HEATR6: variants seen among roughly 807,000 people sequenced by gnomAD.
HEATR6 encodes HEAT repeat containing 6.
A neutral mutation model predicts 132.8 loss-of-function variants in HEATR6; 106 were observed. The ratio of observed to expected loss-of-function variants is 0.80; its 90% CI spans 0.68 to 0.94. HEATR6 has a LOEUF of 0.94. Among genes scored for constraint, HEATR6 ranks in the 40% least tolerant of loss-of-function variants. The pLI, the probability that HEATR6 is intolerant of heterozygous loss-of-function variation, is 0.00. For missense variants in HEATR6, 1,339 were observed against 1,425.1 expected (o/e 0.94, Z 0.97); for synonymous variants, 529 against 537.8 (o/e 0.98, Z 0.23).
Position 60,044,053 on chromosome 17 carries a change from C to G in HEATR6, c.3056G>C (p.Arg1019Thr). The G allele has an allele frequency of 3.1e-6, 5 of 1,614,198 alleles. No homozygotes were observed. Among genetic ancestry groups the G allele is most frequent in the Non-Finnish European group, 3.4e-6 (4 of 1,180,046 alleles). The change falls in exon 20 of 20, where the codon AGA (arginine) becomes ACA (threonine). Residue 1019 changes from arginine to threonine, a missense_variant. Transcript: ENST00000184956. The stretch of plus-strand genomic sequence containing the variant: ...CGGGACGGAAAGGGCAGCTGCAGAT[C>G]TGATGCGCACTTTGAAGTTCTTGCA... The part of the protein sequence containing the change: ...TSCKNFKVRI[R>T]SAAALSVPGK...
At position 60,059,994 on chromosome 17, in the gene HEATR6, G is replaced by GTT. The variant is rs1568625016; in HGVS notation, c.1518_1519insAA (p.Pro507AsnfsTer5). On this transcript the variant is annotated frameshift_variant, in exon 10 of 20. Coordinates refer to ENST00000184956, the MANE Select transcript of HEATR6 (RefSeq NM_022070.5). ...CTGCAAGCGATCATTACGGAGAAGGGGGTAAAAGCCCTTCTGTGGTCACTG... is the reference window on the plus strand; with the variant it reads ...CTGCAAGCGATCATTACGGAGAAGGGTTGGTAAAAGCCCTTCTGTGGTCACTG... 1 of 1,613,834 alleles carries GTT rather than the reference G, an allele frequency of 6.2e-7. No individual in the cohort carries two copies.
Position 60,050,866 on chromosome 17 carries a change from G to A in HEATR6, c.2401C>T (p.Pro801Ser). The change falls in exon 15 of 20, where the codon CCA (proline) becomes TCA (serine). Residue 801 changes from proline to serine, a missense_variant. Physicochemically the swap from Pro to Ser is moderately conservative, Grantham distance 74. Transcript: ENST00000184956. The part of the protein sequence containing the change: ...SACDALSSIL[P>S]EAFSNLPNDR... ...ACCGGCAGATTGCTGAAGGCCTCTG[G>A]CAAGATGGAAGACAGGGCATCACAG... The A allele has an allele frequency of 3.1e-6, 5 of 1,614,236 alleles. No individual in the cohort carries two copies. The highest frequency in any genetic ancestry group is 4.2e-6 in the Non-Finnish European group (5 of 1,180,036).
chr17:60,057,479 T>C (rs1375556852), intron 11 of HEATR6, 76 bp from the exon 12 acceptor site: 3 of 1,006,026 alleles, frequency 3.0e-6, no homozygotes, highest in Non-Finnish European at 4.4e-6. Flanking sequence ...CAGCAGGCAA[T>C]TAAAAATTAG....
At position 60,047,393 on chromosome 17, in the gene HEATR6, G is replaced by T; in HGVS notation, c.2685C>A (p.Asp895Glu). The T allele has an allele frequency of 6.2e-7, 1 of 1,612,268 alleles. No individual in the cohort carries two copies. Among genetic ancestry groups the T allele is most frequent in the Non-Finnish European group, 8.5e-7 (1 of 1,178,848 alleles). ...CAGAGAACTCTTCCTGGAAACTTGG[G>T]TCTGGTGTTTCCCTGTTCCACCCAA... ...DTLIVNMETP[D>E]PSFQEEFSGL... Residue 895 changes from aspartate (D) to glutamate (E), a missense_variant, in exon 18 of 20, where the codon GAC becomes GAA. By Grantham distance (45) the Asp-to-Glu change is conservative. Coordinates refer to ENST00000184956, the MANE Select transcript of HEATR6 (RefSeq NM_022070.5).
Position 60,073,251 on chromosome 17 carries a change from C to G in HEATR6, c.497G>C (p.Gly166Ala), listed in dbSNP as rs775346168. The change falls in exon 4 of 20, where the codon GGA (glycine) becomes GCA (alanine). Residue 166 changes from glycine (G) to alanine (A), a missense_variant. Transcript: ENST00000184956. Reference sequence around the variant, plus strand: ...CAAGTCACTCAACTTCATTAAGAGTCCGGTGTTGCCTAGCAGCTCTGGGAG... The same window carrying G: ...CAAGTCACTCAACTTCATTAAGAGTGCGGTGTTGCCTAGCAGCTCTGGGAG... ...KYLPELLGNT[G>A]LLMKLSDLAQ... 29 of 1,612,864 alleles carry G rather than the reference C, an allele frequency of 1.8e-5. No individual in the cohort carries two copies. The highest frequency in any genetic ancestry group is 2.3e-5 in the Non-Finnish European group (27 of 1,179,064).
In HEATR6 at chr17:60,073,163, C is replaced by T; in HGVS notation, c.584+1G>A. The T allele has an allele frequency of 2.5e-6, 4 of 1,573,102 alleles. No homozygotes were observed. The highest frequency in any genetic ancestry group is 3.5e-6 in the Non-Finnish European group (4 of 1,142,628). On this transcript the variant is annotated splice_donor_variant, in intron 4 of 19. Transcript: ENST00000184956. LOFTEE classifies it high-confidence loss of function. ...TGAGAAACTTGACTGGAGCCACATA[C>T]CTGAGACATAAGTTTGCCATACAAT...
At chr17:60,048,510 T>C in intron 16 of HEATR6, 122 bp from the exon 17 acceptor site, 1 of 938,300 alleles carries the variant, frequency 1.1e-6, no homozygotes, top group Non-Finnish European at 1.5e-6. Flanking sequence ...GAAATAAAAA[T>C]TCATCTACTC....
intron 1 of HEATR6, among the ~76,000 whole-genome samples, chr17:60,077,278 T>C (rs568301154): frequency 6.6e-6 from 1 of 152,160 alleles, no homozygotes; most frequent in South Asian, 2.1e-4. Flanking sequence ...ATTTGCCAGA[T>C]AGGGCATCAA....
chr17:60,074,568 A>G (rs1198658462), intron 2 of HEATR6, among the ~76,000 whole-genome samples: 2 of 152,208 alleles, frequency 1.3e-5, no homozygotes, highest in African/African-American at 2.4e-5. Flanking sequence ...GCCTTACTCC[A>G]TGCAGCAGAC....
At chr17:60,059,803 TAAGTC>T (rs1906873494) in intron 10 of HEATR6, 82 bp downstream of exon 10, 2 of 972,920 alleles carry the variant, frequency 2.1e-6, no homozygotes, top group East Asian at 2.4e-5. Flanking sequence ...GTTATATTCT[TAAGTC>T]AAGTTACTTT....
At chr17:60,059,815 C>T in intron 10 of HEATR6, 75 bp downstream of exon 10, 1 of 1,092,476 alleles carries the variant, frequency 9.2e-7, no homozygotes. Context: ...AGTCAAGTTA[C>T]TTTTGAGCTA....
rs756401835 is a variant in HEATR6, at chr17:60,057,121, C to A, written c.2006G>T (p.Cys669Phe). 3.1e-6 allele frequency: 5 copies of A among 1,614,088 alleles called. No individual in the cohort carries two copies. In the South Asian group the frequency reaches 4.4e-5, roughly 14 times the overall value. The stretch of plus-strand genomic sequence containing the variant: ...TGCAGAGCCAGCATCGCTACCTGAA[C>A]AGGAATCCTCCTTGGGCAGTACGAC... ...SIVVLPKEDS[C>F]SGSDAGSAAG... The change falls in exon 12 of 20, where the codon TGT becomes TTT. Residue 669 changes from cysteine (C) to phenylalanine (F), a missense_variant. Coordinates refer to ENST00000184956, the MANE Select transcript of HEATR6 (RefSeq NM_022070.5).
chr17:60,049,006 ATAT>A (rs1906484808), intron 16 of HEATR6, among the ~76,000 whole-genome samples: 1 of 135,056 alleles, frequency 7.4e-6, no homozygotes, highest in African/African-American at 2.8e-5. Context: ...ATATATATAT[ATAT>A]ATATATATAT....
rs372235589 is a variant in HEATR6, at chr17:60,049,644, C to T, written c.2483G>A (p.Arg828His). The stretch of plus-strand genomic sequence containing the variant: ...CCGTGAAGTTGCAGCTTTCACTAAG[C>T]GATTCTTGCTGTCATTCAGCCCGAG... ...VLLGLNDSKN[R>H]LVKAATSRAL... Residue 828 changes from arginine (R) to histidine (H), a missense_variant, in exon 16 of 20, where the codon CGC becomes CAC. Transcript: ENST00000184956. The T allele has an allele frequency of 4.8e-5, 77 of 1,613,728 alleles. 2 individuals are homozygous for T. The highest frequency in any genetic ancestry group is 3.1e-4 in the South Asian group (28 of 91,090).
At chr17:60,074,580 C>T (rs761767128) in intron 2 of HEATR6, among the ~76,000 whole-genome samples, 1 of 152,224 alleles carries the variant, frequency 6.6e-6, no homozygotes, top group Non-Finnish European at 1.5e-5. Context: ...GCAGCAGACA[C>T]TGTTGGTTAC....
intron 9 of HEATR6, chr17:60,064,674 C>T (rs779463434): frequency 1.3e-5 from 2 of 151,156 alleles, no homozygotes; most frequent in African/African-American, 2.4e-5. Flanking sequence ...ATCTTTTTTC[C>T]TCAGCACATC....
chr17:60,057,085 G>A lies in HEATR6; in HGVS notation c.2042C>T (p.Thr681Ile), dbSNP rs761421724. ...CAGTCGCATGGGGGATGGTTCGTAG[G>A]TGCTTCCTGCTGCAGAGCCAGCATC... ...GSDAGSAAGS[T>I]YEPSPMRLEA... Residue 681 changes from threonine to isoleucine, a missense_variant, in exon 12 of 20, where the codon ACC becomes ATC. Transcript: ENST00000184956. 6.2e-7 allele frequency: 1 copy of A among 1,612,790 alleles called. No homozygotes were observed. The highest frequency in any genetic ancestry group is 1.1e-5 in the South Asian group (1 of 90,960).
At chr17:60,045,401 G>A (rs890969832) in intron 19 of HEATR6, among the ~76,000 whole-genome samples, 4 of 152,178 alleles carry the variant, frequency 2.6e-5, no homozygotes, top group South Asian at 2.1e-4. Context: ...CAAAGTGAGC[G>A]AGGTTTGGAG....
rs1906444777 is a variant in HEATR6, at chr17:60,048,387, T to A, written c.2549A>T (p.Asp850Val). The change falls in exon 17 of 20, where the codon GAT becomes GTT. Residue 850 changes from aspartate (D) to valine (V), a missense_variant and splice_region_variant. By Grantham distance (152) the Asp-to-Val change is radical. Coordinates refer to ENST00000184956, the MANE Select transcript of HEATR6 (RefSeq NM_022070.5). ...TGCTGCGTCTGCAACAAATATGACATCCTGTAACACAAAACAAAACACTGC... is the reference window on the plus strand; with the variant it reads ...TGCTGCGTCTGCAACAAATATGACAACCTGTAACACAAAACAAAACACTGC... ...VYVLFPCLRQDVIFVADAANA... is the reference protein window; with the variant it reads ...VYVLFPCLRQVVIFVADAANA... 2 of 1,611,388 alleles carry A rather than the reference T, an allele frequency of 1.2e-6. No individual in the cohort carries two copies. Among genetic ancestry groups the A allele is most frequent in the Non-Finnish European group, 1.7e-6 (2 of 1,178,108 alleles).
Sources: allele counts gnomAD v4.1 joint callset (sites outside exome capture counted in the v4.1 genomes callset), GRCh38; gene constraint gnomAD v4.1.1; transcripts MANE v1.5; gene names NCBI Gene and HGNC (gene_info 2026-07-23, HGNC 2026-07-21).